Variants in KLF17 observed in about 807,000 individuals in gnomAD.
KLF17 encodes KLF transcription factor 17.
A neutral mutation model predicts 34.2 loss-of-function variants in KLF17; 31 were observed. The ratio of observed to expected loss-of-function variants is 0.91; its 90% CI spans 0.68 to 1.22. The LOEUF is 1.22. KLF17 is among the 50% of genes most tolerant of loss of function. The pLI is 0.00. For synonymous variants in KLF17, 179 were observed against 186.7 expected, an observed-to-expected ratio of 0.96 and a Z score of 0.34; for missense variants, 478 against 505.2, an observed-to-expected ratio of 0.95 and a Z score of 0.52.
chr1:44,126,838 A>AT (rs2088013126), intron 1 of KLF17, among the ~76,000 whole-genome samples: 1 of 151,998 alleles, frequency 6.6e-6, no homozygotes, highest in Admixed American at 6.6e-5. Flanking sequence ...AGCTAGAAAA[A>AT]AAATATATAT....
At chr1:44,060,145 G>T in the KLF17 span, among the ~76,000 whole-genome samples, 1 of 152,076 alleles carries the variant, frequency 6.6e-6, no homozygotes, top group Non-Finnish European at 1.5e-5. Flanking sequence ...GAAGCCACCT[G>T]TTCCTTTAGG....
chr1:44,099,897 GA>G, the KLF17 span, among the ~76,000 whole-genome samples: 3 of 57,920 alleles, frequency 5.2e-5, no homozygotes, highest in Non-Finnish European at 1.1e-4. Context: ...AAGAAAGAAA[GA>G]AAGAAAGAAA....
At chr1:44,049,257 C>T in the KLF17 span, among the ~76,000 whole-genome samples, 5 of 152,252 alleles carry the variant, frequency 3.3e-5, no homozygotes, top group East Asian at 3.9e-4. Context: ...TTCTTCCCAA[C>T]GACCCCGTCT....
chr1:44,051,968 T>A, the KLF17 span: 1 of 152,104 alleles, frequency 6.6e-6, no homozygotes, highest in Non-Finnish European at 1.5e-5. Flanking sequence ...GCATTGACAT[T>A]CCCTCTTTCA....
chr1:44,059,706 T>C, the KLF17 span, among the ~76,000 whole-genome samples: 2 of 152,078 alleles, frequency 1.3e-5, no homozygotes, highest in African/African-American at 4.8e-5. Context: ...TGGGTATCTA[T>C]ATCTCCAATG....
chr1:44,046,679 T>G, the KLF17 span, among the ~76,000 whole-genome samples: 2 of 152,192 alleles, frequency 1.3e-5, no homozygotes, highest in Middle Eastern at 3.2e-3. Flanking sequence ...TCCATGTGGC[T>G]AGTAAATAGC....
At chr1:44,086,085 C>T in the KLF17 span, among the ~76,000 whole-genome samples, 15 of 152,122 alleles carry the variant, frequency 9.9e-5, no homozygotes, top group Non-Finnish European at 2.1e-4. Context: ...GGGGTGAAAA[C>T]CTGACAAGGG....
At chr1:44,047,501 T>C in the KLF17 span, among the ~76,000 whole-genome samples, 1 of 152,130 alleles carries the variant, frequency 6.6e-6, no homozygotes, top group African/African-American at 2.4e-5. Flanking sequence ...ATGCTTGAGG[T>C]TTGGTTGATG....
At chr1:44,072,696 AAAT>A in the KLF17 span, among the ~76,000 whole-genome samples, 1 of 152,132 alleles carries the variant, frequency 6.6e-6, no homozygotes, top group Non-Finnish European at 1.5e-5. Flanking sequence ...CTTGTCTGTA[AAAT>A]AATAATAACA....
At chr1:44,066,494 G>A in the KLF17 span, among the ~76,000 whole-genome samples, 8 of 151,432 alleles carry the variant, frequency 5.3e-5, no homozygotes, top group Non-Finnish European at 8.8e-5. Context: ...CCAGAGTGCT[G>A]GGATTTCAGG....
chr1:44,097,782 G>T, the KLF17 span, among the ~76,000 whole-genome samples: 32 of 152,116 alleles, frequency 2.1e-4, no homozygotes, highest in East Asian at 5.6e-3. Context: ...TTGTGTTGAG[G>T]TATGTTCCTT....
chr1:44,063,402 C>T, the KLF17 span, among the ~76,000 whole-genome samples: 259 of 152,254 alleles, frequency 1.7e-3, 3 homozygotes, highest in African/African-American at 6.1e-3. Context: ...CATATAGATG[C>T]CAATCATTAA....
At chr1:44,110,286 T>C in the KLF17 span, 1 of 152,174 alleles carries the variant, frequency 6.6e-6, no homozygotes. Flanking sequence ...TATAGAAAAG[T>C]AAGAAGTAAA....
chr1:44,101,607 A>C, the KLF17 span: 1 of 152,240 alleles, frequency 6.6e-6, no homozygotes, highest in Non-Finnish European at 1.5e-5. Flanking sequence ...TCACGTCAGG[A>C]GACACATGGT....
chr1:44,093,169 T>C, the KLF17 span, among the ~76,000 whole-genome samples: 1 of 152,136 alleles, frequency 6.6e-6, no homozygotes, highest in African/African-American at 2.4e-5. Context: ...GAGAAAAGTG[T>C]TGGGAAGAAA....
At chr1:44,111,314 A>G in the KLF17 span, among the ~76,000 whole-genome samples, 1 of 152,056 alleles carries the variant, frequency 6.6e-6, no homozygotes, top group Non-Finnish European at 1.5e-5. Context: ...TCTTAATCTT[A>G]CTATCTCAAA....
Position 44,127,660 on chromosome 1 carries a change from TTC to T in KLF17, c.82-1691_82-1690del, listed in dbSNP as rs1308287676. On this transcript the variant is annotated intron_variant, in intron 1 of 3. Coordinates refer to ENST00000372299, the MANE Select transcript of KLF17 (RefSeq NM_173484.4). ...TTTCCTTCTTTCTTTCTTTCTTTCT[TTC>T]TTTCTTTCTTTCTTTCTTTCTTTCT... Among the ~76,000 whole-genome samples the T allele has an allele frequency of 2.7e-3, 108 of 39,904 alleles. 3 individuals are homozygous for T. Among genetic ancestry groups the T allele is most frequent in the Middle Eastern group, 0.011 (1 of 94 alleles). 26.2% of individuals were successfully genotyped at this position (39,904 alleles called of 152,430 possible).
At chr1:44,109,386 T>G in the KLF17 span, among the ~76,000 whole-genome samples, 1 of 152,176 alleles carries the variant, frequency 6.6e-6, no homozygotes, top group East Asian at 1.9e-4. Flanking sequence ...AAAAACCTTT[T>G]TCATAGAAAC....
At chr1:44,068,619 T>G in the KLF17 span, among the ~76,000 whole-genome samples, 1 of 152,216 alleles carries the variant, frequency 6.6e-6, no homozygotes, top group Non-Finnish European at 1.5e-5. Context: ...TTTCCCAAGC[T>G]GCCTGCCTCA....
Sources: gnomAD v4.1 joint callset for allele counts (sites outside exome capture counted in the v4.1 genomes callset) on GRCh38, gnomAD v4.1.1 for gene constraint, MANE v1.5 for transcripts, NCBI Gene and HGNC (gene_info 2026-07-23, HGNC 2026-07-21) for gene names.